The following KIF26B variants were observed in gnomAD, a reference collection of about 807,000 sequenced individuals.
KIF26B encodes the protein kinesin-like protein KIF26B.
In KIF26B, 63 loss-of-function variants were observed where a neutral mutation model predicts 151.2. That is an observed-to-expected ratio of 0.42 (90% CI 0.34 to 0.51). The LOEUF is 0.51. Among genes scored for constraint, KIF26B ranks in the 20% least tolerant of loss-of-function variants. The pLI is 0.07. For synonymous variants in KIF26B, 1,357 were observed against 1,262.1 expected, an observed-to-expected ratio of 1.08 and a Z score of -1.59; for missense variants, 2,813 against 2,913.6, an observed-to-expected ratio of 0.97 and a Z score of 0.79.
rs1204445854 is a variant in KIF26B at position 245,227,662 on chromosome 1, G to A, written c.465+70979G>A. 2.0e-5 allele frequency among the ~76,000 whole-genome samples: 3 copies of A among 152,168 alleles called. No individual in the cohort carries two copies. Among genetic ancestry groups the A allele is most frequent in the Admixed American group, 6.5e-5 (1 of 15,274 alleles). ...CCTGAGCCACTAAATGTATCAGACTGTTATATTTGGGTTATTTTCCAAAAA... is the reference window on the plus strand; with the variant it reads ...CCTGAGCCACTAAATGTATCAGACTATTATATTTGGGTTATTTTCCAAAAA... On this transcript the variant is annotated intron_variant, in intron 2 of 14. Coordinates refer to ENST00000407071, the MANE Select transcript of KIF26B (RefSeq NM_018012.4). This position sits in a 1 kb window ranked among gnomAD's most constrained non-coding sequence, Gnocchi z 4.1.
chr1:245,423,477 G>GT (rs1231595828), intron 4 of KIF26B, among the ~76,000 whole-genome samples: 4 of 140,880 alleles, frequency 2.8e-5, no homozygotes, highest in African/African-American at 1.2e-4. Flanking sequence ...TTTATTATAG[G>GT]GTTTTTTTTT....
At chr1:245,249,176 A>G (rs1455400575) in intron 2 of KIF26B, among the ~76,000 whole-genome samples, 5 of 152,152 alleles carry the variant, frequency 3.3e-5, no homozygotes, top group African/African-American at 1.2e-4. Context: ...CAGTGGCATG[A>G]TCTCGGCTCA....
chr1:245,406,345 C>T lies in KIF26B; in HGVS notation c.1000-13234C>T, dbSNP rs551187434. 8.5e-5 allele frequency among the ~76,000 whole-genome samples: 13 copies of T among 152,308 alleles called. No homozygotes were observed. In the South Asian group the frequency reaches 1.9e-3, roughly 22 times the overall value. The stretch of plus-strand genomic sequence containing the variant: ...TTGCTAGGCACTAGGATTACAGTGA[C>T]AAGTTAATTTGGTCCAGCCTGTCTC... On this transcript the variant is annotated intron_variant, in intron 3 of 14. Transcript: ENST00000407071.
At chr1:245,276,139 C>A (rs1670933888) in intron 2 of KIF26B, among the ~76,000 whole-genome samples, 1 of 152,090 alleles carries the variant, frequency 6.6e-6, no homozygotes, top group African/African-American at 2.4e-5. Context: ...GTCAGGAGTT[C>A]AAGGCCAGCC....
At chr1:245,172,455 C>T (rs369041870) in intron 2 of KIF26B, among the ~76,000 whole-genome samples, 73 of 152,214 alleles carry the variant, frequency 4.8e-4, no homozygotes, top group East Asian at 2.3e-3. Flanking sequence ...AGACCAGAAA[C>T]GGCCTTGAGG....
intron 4 of KIF26B, among the ~76,000 whole-genome samples, chr1:245,467,596 G>C (rs1659823312): frequency 6.6e-6 from 1 of 152,132 alleles, no homozygotes; most frequent in Non-Finnish European, 1.5e-5. Context: ...AATTAGTCTG[G>C]TTTAAACATG....
intron 4 of KIF26B, among the ~76,000 whole-genome samples, chr1:245,446,853 G>A (rs2103050674): frequency 6.6e-6 from 1 of 152,284 alleles, no homozygotes; most frequent in East Asian, 1.9e-4. Context: ...AATCGTTACT[G>A]TGATCACTAG....
intron 10 of KIF26B, among the ~76,000 whole-genome samples, chr1:245,648,375 G>C (rs2043976585): frequency 6.6e-6 from 1 of 152,112 alleles, no homozygotes; most frequent in Admixed American, 6.6e-5. Context: ...ATGGCCCAGC[G>C]TGGTGGCTCA....
chr1:245,648,971 T>A (rs1170194564), intron 10 of KIF26B, among the ~76,000 whole-genome samples: 1 of 152,174 alleles, frequency 6.6e-6, no homozygotes, highest in Non-Finnish European at 1.5e-5. Flanking sequence ...TGCCCTGCCC[T>A]GCCTAACACA....
intron 2 of KIF26B, among the ~76,000 whole-genome samples, chr1:245,287,786 AG>A (rs1671192790): frequency 6.6e-6 from 1 of 152,132 alleles, no homozygotes; most frequent in African/African-American, 2.4e-5. Flanking sequence ...TACAGGCGTG[AG>A]GCACCGCGCC....
rs369003848 is a variant in KIF26B at position 245,439,466 on chromosome 1, C to T, written c.1166+19721C>T. ...AGTAAATAGAGTTGCAATAAGTGGT[C>T]GTTTTCCTCTGGAAGGAAAAGTGTT... On this transcript the variant is annotated intron_variant, in intron 4 of 14. Coordinates refer to ENST00000407071, the MANE Select transcript of KIF26B (RefSeq NM_018012.4). Among the ~76,000 whole-genome samples the T allele has an allele frequency of 2.4e-4, 36 of 152,038 alleles. 2 individuals are homozygous for T. In the East Asian group the frequency reaches 3.1e-3, roughly 13 times the overall value.
intron 4 of KIF26B, among the ~76,000 whole-genome samples, chr1:245,496,046 C>T (rs1660508686): frequency 6.6e-6 from 1 of 151,916 alleles, no homozygotes; most frequent in Non-Finnish European, 1.5e-5. Flanking sequence ...ATCAGTAGAC[C>T]AACACTAAAA....
At chr1:245,565,369 A>T (rs2042999988) in intron 5 of KIF26B, among the ~76,000 whole-genome samples, 1 of 151,206 alleles carries the variant, frequency 6.6e-6, no homozygotes, top group Admixed American at 6.6e-5. Context: ...GCTCACTGCA[A>T]CCTCCACCTC....
At chr1:245,301,570 C>T (rs377390414) in intron 2 of KIF26B, among the ~76,000 whole-genome samples, 17 of 152,248 alleles carry the variant, frequency 1.1e-4, no homozygotes, top group Admixed American at 7.2e-4. Flanking sequence ...GGACTTGGCG[C>T]GGAGTCCCAG....
chr1:245,538,050 T>C (rs186637478), intron 4 of KIF26B, among the ~76,000 whole-genome samples: 8 of 152,258 alleles, frequency 5.3e-5, no homozygotes, highest in Admixed American at 4.6e-4. Context: ...TGGAAAGGAA[T>C]GGCCAGGGTG....
At chr1:245,234,467 C>T (rs1410730774) in intron 2 of KIF26B, 1 of 152,396 alleles carries the variant, frequency 6.6e-6, no homozygotes, top group Admixed American at 6.5e-5. Context: ...GTCTCCCAGG[C>T]CTCAGGGCTT....
At chr1:245,434,229 G>A (rs904632405) in intron 4 of KIF26B, among the ~76,000 whole-genome samples, 5 of 152,204 alleles carry the variant, frequency 3.3e-5, no homozygotes, top group African/African-American at 7.2e-5. Context: ...CTGGTCTGAA[G>A]TTCTTAGGCA....
chr1:245,192,113 AT>A (rs1669120069), intron 2 of KIF26B, among the ~76,000 whole-genome samples: 1 of 152,194 alleles, frequency 6.6e-6, no homozygotes, highest in East Asian at 1.9e-4. Flanking sequence ...TTTAAAAAAA[AT>A]AATTATAAAG....
At chr1:245,499,832 G>A (rs1456219827) in intron 4 of KIF26B, among the ~76,000 whole-genome samples, 1 of 152,216 alleles carries the variant, frequency 6.6e-6, no homozygotes, top group East Asian at 1.9e-4. Flanking sequence ...TGGTAGGTCT[G>A]ATGGCTGGTA....
Sources: allele counts gnomAD v4.1 joint callset (sites outside exome capture counted in the v4.1 genomes callset), GRCh38; gene constraint gnomAD v4.1.1; non-coding constraint Gnocchi (gnomAD v3.1); transcripts MANE v1.5; gene names NCBI Gene and HGNC (gene_info 2026-07-23, HGNC 2026-07-21).